Variants in FMNL2 observed in about 807,000 individuals in gnomAD.
FMNL2 encodes the protein formin like 2, also known as formin-like protein 2.
FMNL2 carries 51 observed loss-of-function variants against 130.2 expected under a neutral mutation model. The ratio of observed to expected loss-of-function variants is 0.39; its 90% CI spans 0.31 to 0.49. The LOEUF is 0.49. Among genes scored for constraint, FMNL2 ranks in the 20% least tolerant of loss-of-function variants. The pLI is 0.85. For synonymous variants in FMNL2, 465 were observed against 467.1 expected (o/e 1.00, Z 0.06); for missense variants, 977 against 1,316.2 (o/e 0.74, Z 3.99).
rs181223457 is a variant in FMNL2 at position 152,614,927 on chromosome 2, C to T, written c.1139C>T (p.Ala380Val). Residue 380 changes from alanine to valine, a missense_variant, in exon 12 of 26, where the codon GCT becomes GTT. Ala to Val is a moderately conservative substitution (Grantham distance 64). This residue lies in a region of FMNL2 where 689 missense variants were observed against 995.9 expected (regional missense o/e 0.69). Coordinates refer to ENST00000288670, the MANE Select transcript of FMNL2 (RefSeq NM_052905.4). ...AYLDNVFDVGALLEDAETKNA... is the reference protein window; with the variant it reads ...AYLDNVFDVGVLLEDAETKNA... ...CTGGACAATGTTTTTGATGTAGGAG[C>T]TCTACTGGAAGATGCTGAAACTAAG... 144 of 1,613,784 alleles carry T rather than the reference C, an allele frequency of 8.9e-5. 2 individuals carry two copies. In the Admixed American group the frequency reaches 1.9e-3, roughly 21 times the overall value.
At chr2:152,419,530 T>C (rs972097748) in intron 1 of FMNL2, among the ~76,000 whole-genome samples, 2 of 152,140 alleles carry the variant, frequency 1.3e-5, no homozygotes, top group Non-Finnish European at 2.9e-5. Flanking sequence ...GATGAGTGGT[T>C]ACCAGGGGCT....
Position 152,449,166 on chromosome 2 carries a change from C to T in FMNL2, c.118-72777C>T, listed in dbSNP as rs554326632. 1.3e-4 allele frequency among the ~76,000 whole-genome samples: 20 copies of T among 152,284 alleles called. No homozygotes were observed. The South Asian group carries it at 2.9e-3, about 22-fold the overall frequency. ...GACTAGATGATGTCTGTTTTAGGCA[C>T]ACTTCTTCCTTCTTTCTCCCTCTGG... On this transcript the variant is annotated intron_variant, in intron 1 of 25. Coordinates refer to ENST00000288670, the MANE Select transcript of FMNL2 (RefSeq NM_052905.4).
chr2:152,463,330 T>C (rs897412770), intron 1 of FMNL2, among the ~76,000 whole-genome samples: 3 of 152,186 alleles, frequency 2.0e-5, no homozygotes, highest in African/African-American at 7.2e-5. Context: ...CCCTGGGAGA[T>C]AGGGCCTATT....
At chr2:152,542,592 C>G (rs1022655544) in intron 2 of FMNL2, 147 bp from the exon 3 acceptor site, 3 of 701,970 alleles carry the variant, frequency 4.3e-6, no homozygotes, top group Non-Finnish European at 7.4e-6. Flanking sequence ...TACCAAGATG[C>G]AAAACAGTTA....
intron 25 of FMNL2, chr2:152,643,379 CTCT>C: frequency 6.5e-7 from 1 of 1,533,352 alleles, no homozygotes; most frequent in South Asian, 1.2e-5. Context: ...GCTTTTTATT[CTCT>C]TCTGTTTGTG....
chr2:152,601,671 C>CT lies in FMNL2; in HGVS notation c.877-5652dup, dbSNP rs34914295. ...GGCTCTCTTTTCTTTTCTTTTCTTT[C>CT]TTTTTTTTTTTTTTTTGAGACAGAG... On this transcript the variant is annotated intron_variant, in intron 9 of 25. Transcript: ENST00000288670. 9.1e-3 allele frequency among the ~76,000 whole-genome samples: 939 copies of CT among 103,450 alleles called. 22 individuals are homozygous for CT. Among genetic ancestry groups the CT allele is most frequent in the East Asian group, 0.018 (62 of 3,510 alleles). 67.9% of individuals were successfully genotyped at this position (103,450 alleles called of 152,430 possible).
At chr2:152,428,099 A>G (rs576837951) in intron 1 of FMNL2, among the ~76,000 whole-genome samples, 1 of 152,320 alleles carries the variant, frequency 6.6e-6, no homozygotes, top group South Asian at 2.1e-4. Flanking sequence ...TTAAATTACC[A>G]GTGGTGTATG....
chr2:152,597,785 G>A (rs1471818088), intron 9 of FMNL2, among the ~76,000 whole-genome samples: 1 of 152,208 alleles, frequency 6.6e-6, no homozygotes, highest in African/African-American at 2.4e-5. Context: ...TTAAGAACTG[G>A]TACCCAAATC....
intron 1 of FMNL2, among the ~76,000 whole-genome samples, chr2:152,431,553 A>G (rs904433673): frequency 1.3e-5 from 2 of 152,248 alleles, no homozygotes; most frequent in Non-Finnish European, 2.9e-5. Flanking sequence ...TTTGTATTGC[A>G]GTCACTAAAA....
Position 152,629,895 on chromosome 2 carries a change from G to GTT in FMNL2, c.2542_2543dup (p.Leu848PhefsTer2). 6.2e-7 allele frequency: 1 copy of GTT among 1,607,684 alleles called. No homozygotes were observed. Among genetic ancestry groups the GTT allele is most frequent in the Non-Finnish European group, 8.5e-7 (1 of 1,176,824 alleles). On this transcript the variant is annotated frameshift_variant, in exon 20 of 26. Coordinates refer to ENST00000288670, the MANE Select transcript of FMNL2 (RefSeq NM_052905.4). LOFTEE classifies it high-confidence loss of function. ...GCAGTTTATGGATTTAAACTTCAGA[G>GTT]TTTAGATCTGGTGAGTGGACTAAAA...
At chr2:152,350,376 C>T (rs942854562) in intron 1 of FMNL2, among the ~76,000 whole-genome samples, 4 of 152,242 alleles carry the variant, frequency 2.6e-5, no homozygotes, top group African/African-American at 7.2e-5. Flanking sequence ...ACTCTGTTGT[C>T]GGTAACAGAG....
intron 9 of FMNL2, among the ~76,000 whole-genome samples, chr2:152,590,008 T>TATATGTATATATATAC (rs1553482729): frequency 2.3e-5 from 2 of 86,832 alleles, no homozygotes; most frequent in African/African-American, 7.9e-5. Flanking sequence ...TATATATATA[T>TATATGTATATATATAC]ACATATACAT....
chr2:152,366,076 G>A (rs1239130642), intron 1 of FMNL2, among the ~76,000 whole-genome samples: 2 of 152,106 alleles, frequency 1.3e-5, no homozygotes, highest in South Asian at 2.1e-4. Flanking sequence ...GAATGATGGA[G>A]AGAAAAGAGT....
At chr2:152,504,678 A>G (rs1354884352) in intron 1 of FMNL2, among the ~76,000 whole-genome samples, 4 of 152,168 alleles carry the variant, frequency 2.6e-5, no homozygotes, top group East Asian at 1.9e-4. Context: ...GTAAGCTTCT[A>G]TCTCTTATGC....
chr2:152,617,707 C>T (rs1202052878), intron 13 of FMNL2, among the ~76,000 whole-genome samples: 4 of 152,176 alleles, frequency 2.6e-5, no homozygotes, highest in African/African-American at 7.2e-5. Context: ...ATCAGCTAAT[C>T]CCAGCTATTT....
chr2:152,500,635 G>T (rs1276846654), intron 1 of FMNL2, among the ~76,000 whole-genome samples: 2 of 152,178 alleles, frequency 1.3e-5, no homozygotes, highest in Non-Finnish European at 2.9e-5. Flanking sequence ...ATCACCTGAG[G>T]TCAGGAGTTC....
chr2:152,544,736 A>T (rs1389497085), intron 3 of FMNL2, among the ~76,000 whole-genome samples: 1 of 152,158 alleles, frequency 6.6e-6, no homozygotes, highest in Non-Finnish European at 1.5e-5. Flanking sequence ...ATAGAAAGGA[A>T]AAAATATGCA....
chr2:152,612,133 G>C (rs1450366525), intron 11 of FMNL2, among the ~76,000 whole-genome samples: 2 of 152,218 alleles, frequency 1.3e-5, no homozygotes, highest in Non-Finnish European at 2.9e-5. Flanking sequence ...TTAGGAGAAG[G>C]AGGTTTAAAG....
intron 9 of FMNL2, among the ~76,000 whole-genome samples, chr2:152,605,315 T>C (rs1698306298): frequency 2.0e-5 from 3 of 146,902 alleles, no homozygotes; most frequent in East Asian, 3.9e-4. Flanking sequence ...TGCGTGTGTG[T>C]GTGCGTGTGT....
Sources: gnomAD v4.1 joint callset for allele counts (sites outside exome capture counted in the v4.1 genomes callset) on GRCh38, gnomAD v4.1.1 for gene constraint, gnomAD v4.1.1 regional missense constraint, MANE v1.5 for transcripts, NCBI Gene and HGNC (gene_info 2026-07-23, HGNC 2026-07-21) for gene names.